DCC: variants seen among roughly 807,000 people sequenced by gnomAD.
DCC encodes the protein netrin receptor DCC.
Under a neutral mutation model 172.5 loss-of-function variants are expected in DCC, and 58 were observed. The observed-to-expected ratio is 0.34, with a 90% confidence interval of 0.27 to 0.42. The LOEUF is 0.42. Ranked by LOEUF, DCC falls within the 10% of genes least tolerant of loss-of-function variation. The pLI is 1.00. For synonymous variants in DCC, 709 were observed against 644.5 expected, an observed-to-expected ratio of 1.10 and a Z score of -1.52; for missense variants, 1,740 against 1,791.0, an observed-to-expected ratio of 0.97 and a Z score of 0.51.
intron 7 of DCC, among the ~76,000 whole-genome samples, chr18:53,075,685 T>C (rs1297905997): frequency 6.6e-6 from 1 of 152,216 alleles, no homozygotes; most frequent in Admixed American, 6.5e-5. Context: ...TGATGAAAGA[T>C]GTGCGAGTGC....
intron 21 of DCC, among the ~76,000 whole-genome samples, chr18:53,429,026 ATATAATATATATTTTATATATAATATAT>A (rs1911382368): frequency 2.4e-5 from 2 of 84,746 alleles, no homozygotes; most frequent in South Asian, 7.1e-4. Flanking sequence ...TATATTTTTT[ATATAATATATATTTTATATATAATATAT>A]TATATATTTT....
chr18:53,463,941 A>T (rs1568148605), intron 24 of DCC, among the ~76,000 whole-genome samples: 4 of 152,172 alleles, frequency 2.6e-5, no homozygotes, highest in Non-Finnish European at 1.5e-5. Flanking sequence ...TTGAGAGTTA[A>T]TTTTTTATTT....
intron 12 of DCC, among the ~76,000 whole-genome samples, chr18:53,285,018 G>C (rs142671221): frequency 6.6e-6 from 1 of 152,058 alleles, no homozygotes; most frequent in Non-Finnish European, 1.5e-5. Flanking sequence ...CAAAGCATTC[G>C]AGAGGTAACT....
At chr18:53,447,070 AACAC>A (rs571212605) in intron 22 of DCC, among the ~76,000 whole-genome samples, 61 of 152,346 alleles carry the variant, frequency 4.0e-4, no homozygotes, top group Non-Finnish European at 8.2e-4. Context: ...TCTAAACAGA[AACAC>A]ACAAAAAACA....
chr18:52,655,379 A>G (rs766045781), intron 1 of DCC, among the ~76,000 whole-genome samples: 3 of 152,182 alleles, frequency 2.0e-5, no homozygotes, highest in Non-Finnish European at 4.4e-5. Context: ...TTTCATTGAA[A>G]ATGGCGGTCT....
chr18:53,057,422 A>G lies in DCC; in HGVS notation c.986-5883A>G, dbSNP rs1677526765. On this transcript the variant is annotated intron_variant, in intron 5 of 28. Coordinates refer to ENST00000442544, the MANE Select transcript of DCC (RefSeq NM_005215.4). ...AAACACTTTTAAAAAACAGAATTAT[A>G]TTTTTTCTACATTTCTATCACTTAT... Among the ~76,000 whole-genome samples, 3 of 151,996 alleles carry G rather than the reference A, an allele frequency of 2.0e-5. No homozygotes were observed. The South Asian group carries it at 6.2e-4, about 31-fold the overall frequency.
chr18:52,798,396 G>A (rs1322994592), intron 2 of DCC, among the ~76,000 whole-genome samples: 1 of 152,178 alleles, frequency 6.6e-6, no homozygotes, highest in Non-Finnish European at 1.5e-5. Context: ...TAAAGACAGA[G>A]TCTCACTTTG....
At chr18:53,168,176 A>G (rs748704888) in intron 8 of DCC, among the ~76,000 whole-genome samples, 2 of 152,128 alleles carry the variant, frequency 1.3e-5, no homozygotes, top group Admixed American at 6.6e-5. Context: ...AGGATCTACA[A>G]CCAGAAATAC....
chr18:52,936,077 G>A (rs2040378074), intron 5 of DCC, among the ~76,000 whole-genome samples: 1 of 152,052 alleles, frequency 6.6e-6, no homozygotes. Flanking sequence ...GTAGGGTTTT[G>A]ATCCTAAATG....
chr18:52,460,698 G>T (rs2144537447), intron 1 of DCC, among the ~76,000 whole-genome samples: 1 of 152,170 alleles, frequency 6.6e-6, no homozygotes, highest in South Asian at 2.1e-4. Flanking sequence ...TTACTATTCT[G>T]AATACTACAG....
intron 12 of DCC, among the ~76,000 whole-genome samples, chr18:53,273,215 G>A (rs1478316848): frequency 6.6e-6 from 1 of 152,038 alleles, no homozygotes; most frequent in East Asian, 1.9e-4. Flanking sequence ...CCTGAAGTAT[G>A]TGCTCTTATG....
chr18:53,060,906 ACTACT>A (rs1222131638), intron 5 of DCC, among the ~76,000 whole-genome samples: 1 of 152,156 alleles, frequency 6.6e-6, no homozygotes, highest in Non-Finnish European at 1.5e-5. Flanking sequence ...AATATAGAAA[ACTACT>A]CTAATTGGAG....
chr18:53,009,348 T>G (rs2041693389), intron 5 of DCC, among the ~76,000 whole-genome samples: 1 of 151,970 alleles, frequency 6.6e-6, no homozygotes, highest in African/African-American at 2.4e-5. Context: ...AAGTCCAGAA[T>G]CCTTAGTCAT....
chr18:53,112,742 G>C (rs1279478477), intron 7 of DCC, among the ~76,000 whole-genome samples: 1 of 151,312 alleles, frequency 6.6e-6, no homozygotes, highest in Non-Finnish European at 1.5e-5. Flanking sequence ...GGATTCTTGG[G>C]GTAGAATTGG....
chr18:52,783,539 G>T (rs1043952996), intron 2 of DCC, among the ~76,000 whole-genome samples: 1 of 151,260 alleles, frequency 6.6e-6, no homozygotes, highest in Non-Finnish European at 1.5e-5. Flanking sequence ...TATTTTTTCT[G>T]TAAAAGACAT....
At chr18:52,832,651 A>G (rs1212485003) in intron 2 of DCC, among the ~76,000 whole-genome samples, 2 of 152,156 alleles carry the variant, frequency 1.3e-5, no homozygotes, top group Non-Finnish European at 2.9e-5. Context: ...GCAAACAGAC[A>G]TGAGATAGTT....
intron 13 of DCC, among the ~76,000 whole-genome samples, chr18:53,306,998 CCA>C (rs1199123307): frequency 6.6e-6 from 1 of 152,168 alleles, no homozygotes; most frequent in Non-Finnish European, 1.5e-5. Context: ...TTTCTCTACG[CCA>C]GATACTCAGC....
chr18:52,644,488 A>T (rs1357390451), intron 1 of DCC, among the ~76,000 whole-genome samples: 1 of 151,516 alleles, frequency 6.6e-6, no homozygotes, highest in East Asian at 2.0e-4. Flanking sequence ...CTGAGGCAGG[A>T]GAATGGCATG....
At chr18:53,312,732 C>T (rs1476441031) in intron 13 of DCC, among the ~76,000 whole-genome samples, 2 of 133,702 alleles carry the variant, frequency 1.5e-5, no homozygotes, top group Admixed American at 8.8e-5. Context: ...TGGCTTGAAC[C>T]GGGGAGGCAG....
Sources: allele counts gnomAD v4.1 joint callset (sites outside exome capture counted in the v4.1 genomes callset), GRCh38; gene constraint gnomAD v4.1.1; transcripts MANE v1.5; gene names NCBI Gene and HGNC (gene_info 2026-07-23, HGNC 2026-07-21).